The following STK3 variants were observed in gnomAD, a reference collection of about 807,000 sequenced individuals.
The protein encoded by STK3 is serine/threonine kinase 3.
Under a neutral mutation model 58.0 loss-of-function variants are expected in STK3, and 41 were observed. The observed-to-expected ratio is 0.71, with a 90% CI of 0.55 to 0.92. The LOEUF (loss-of-function observed/expected upper bound fraction) is 0.92, where lower values mean the gene tolerates loss of function less well. Ranked by LOEUF, STK3 falls within the 40% of genes least tolerant of loss-of-function variation. The pLI is 0.00. For synonymous variants in STK3, 170 were observed against 191.0 expected (o/e 0.89, Z 0.91); for missense variants, 479 against 602.7 (o/e 0.79, Z 2.15).
chr8:98,840,216 T>G (rs1397723138), intron 3 of STK3, among the ~76,000 whole-genome samples: 4 of 151,198 alleles, frequency 2.6e-5, no homozygotes, highest in African/African-American at 9.7e-5. Context: ...GGCATAGTGG[T>G]GCATATCAGT....
intron 10 of STK3, among the ~76,000 whole-genome samples, chr8:98,479,641 A>G (rs1258715263): frequency 1.3e-5 from 2 of 152,190 alleles, no homozygotes; most frequent in Non-Finnish European, 2.9e-5. Flanking sequence ...AGAATGAACA[A>G]AAACACATTC....
At chr8:98,894,847 G>T (rs964882362) in intron 1 of STK3, among the ~76,000 whole-genome samples, 1 of 151,976 alleles carries the variant, frequency 6.6e-6, no homozygotes, top group Non-Finnish European at 1.5e-5. Context: ...TGACTTCTTT[G>T]TTCACTGCTG....
intron 10 of STK3, among the ~76,000 whole-genome samples, chr8:98,524,029 A>G (rs1825570716): frequency 6.6e-6 from 1 of 152,148 alleles, no homozygotes; most frequent in Non-Finnish European, 1.5e-5. Flanking sequence ...TAATTTTTGT[A>G]TATGGTGTAA....
intron 3 of STK3, among the ~76,000 whole-genome samples, chr8:98,868,235 T>A (rs941513092): frequency 6.6e-6 from 1 of 152,246 alleles, no homozygotes; most frequent in African/African-American, 2.4e-5. Context: ...TGAAGTCAAC[T>A]TTTTAGAAAT....
intron 10 of STK3, among the ~76,000 whole-genome samples, chr8:98,503,948 G>A (rs543085366): frequency 6.6e-6 from 1 of 151,672 alleles, no homozygotes; most frequent in Non-Finnish European, 1.5e-5. Flanking sequence ...TTCAAGTCCT[G>A]GATATCCTGT....
chr8:98,392,205 T>C (rs933750516), upstream of STK3, among the ~76,000 whole-genome samples: 37 of 152,360 alleles, frequency 2.4e-4, no homozygotes, highest in Admixed American at 1.6e-3. Flanking sequence ...TGGGGACTTA[T>C]TTTCATCCTA....
At chr8:98,759,733 T>C (rs548581166) in intron 3 of STK3, among the ~76,000 whole-genome samples, 22 of 152,326 alleles carry the variant, frequency 1.4e-4, no homozygotes, top group Non-Finnish European at 2.2e-4. Context: ...AAAGTTTTAA[T>C]TCAGCCATAT....
chr8:98,628,149 T>C (rs1418036467), intron 6 of STK3, among the ~76,000 whole-genome samples: 1 of 152,210 alleles, frequency 6.6e-6, no homozygotes, highest in Non-Finnish European at 1.5e-5. Context: ...TAAAGATACC[T>C]ACTGCTGACA....
intron 9 of STK3, among the ~76,000 whole-genome samples, chr8:98,529,470 C>G (rs906758492): frequency 6.6e-6 from 1 of 152,112 alleles, no homozygotes. Flanking sequence ...GTCTCATTGC[C>G]TTAAAATAAA....
intron 1 of STK3, among the ~76,000 whole-genome samples, chr8:98,909,275 G>A (rs1324331337): frequency 6.6e-6 from 1 of 152,114 alleles, no homozygotes; most frequent in Non-Finnish European, 1.5e-5. Context: ...CAACCAACCA[G>A]TTATAAACTA....
chr8:98,344,252 C>A, the STK3 span, among the ~76,000 whole-genome samples: 3 of 152,212 alleles, frequency 2.0e-5, no homozygotes, highest in African/African-American at 7.2e-5. Flanking sequence ...CTGTTTTCAT[C>A]TGAAGATAAA....
At chr8:98,632,970 T>C (rs1164490573) in intron 6 of STK3, among the ~76,000 whole-genome samples, 1 of 152,224 alleles carries the variant, frequency 6.6e-6, no homozygotes, top group African/African-American at 2.4e-5. Context: ...TAATCATTTA[T>C]TTAATAATTA....
intron 3 of STK3, among the ~76,000 whole-genome samples, chr8:98,840,569 C>A (rs1277629100): frequency 1.8e-5 from 2 of 113,514 alleles, no homozygotes; most frequent in Admixed American, 9.2e-5. Context: ...GACAACCTGT[C>A]TCAAGAAAAA....
At chr8:98,661,143 T>A (rs1023697845) in intron 6 of STK3, among the ~76,000 whole-genome samples, 5 of 151,440 alleles carry the variant, frequency 3.3e-5, no homozygotes, top group Admixed American at 6.6e-5. Context: ...TTACAATTTT[T>A]AAAATGTCAC....
At chr8:98,734,702 A>G (rs185640015) in intron 4 of STK3, among the ~76,000 whole-genome samples, 34 of 152,252 alleles carry the variant, frequency 2.2e-4, no homozygotes, top group Non-Finnish European at 3.2e-4. Flanking sequence ...ATGTTTCGAG[A>G]TGTTTAACGG....
chr8:98,904,675 A>G (rs1838817976), intron 1 of STK3: 2 of 667,170 alleles, frequency 3.0e-6, no homozygotes. Flanking sequence ...AATTCCGTGT[A>G]GCTGCTGAAG....
intron 4 of STK3, among the ~76,000 whole-genome samples, chr8:98,723,471 C>A (rs918951495): frequency 1.3e-5 from 2 of 152,002 alleles, no homozygotes; most frequent in African/African-American, 4.8e-5. Flanking sequence ...ATACACCCAC[C>A]AACTTGTCTC....
At chr8:98,404,736 A>T (rs887343403) in intron 3 of STK3, among the ~76,000 whole-genome samples, 3 of 150,884 alleles carry the variant, frequency 2.0e-5, no homozygotes, top group Non-Finnish European at 4.4e-5. Context: ...CTGTAGTCCC[A>T]GCTACTTGGA....
intron 8 of STK3, among the ~76,000 whole-genome samples, chr8:98,568,650 A>G (rs1812708004): frequency 6.6e-6 from 1 of 152,194 alleles, no homozygotes; most frequent in Non-Finnish European, 1.5e-5. Context: ...GGAGCAAAAG[A>G]TAACTCAAAA....
Sources: allele counts gnomAD v4.1 joint callset (sites outside exome capture counted in the v4.1 genomes callset), GRCh38; gene constraint gnomAD v4.1.1; transcripts MANE v1.5; gene names NCBI Gene and HGNC (gene_info 2026-07-23, HGNC 2026-07-21).